Variants in ADCYAP1 observed in about 807,000 individuals in gnomAD.
ADCYAP1 encodes adenylate cyclase activating polypeptide 1, also known as pituitary adenylate cyclase-activating polypeptide.
A neutral mutation model predicts 18.5 loss-of-function variants in ADCYAP1; 6 were observed. That is an observed-to-expected ratio of 0.32 (90% confidence interval 0.18 to 0.64). The LOEUF (loss-of-function observed/expected upper bound fraction) is 0.64, where lower values mean the gene tolerates loss of function less well. ADCYAP1 is among the 30% of genes least tolerant of loss of function. The pLI is 0.77. For synonymous variants in ADCYAP1, 136 were observed against 113.9 expected, an observed-to-expected ratio of 1.19 and a Z score of -1.24; for missense variants, 314 against 253.6, an observed-to-expected ratio of 1.24 and a Z score of -1.62.
chr18:909,758 G>T lies in ADCYAP1; in HGVS notation c.*123G>T. ...ACATGTATTTATGTAATGAAGTAAA[G>T]CCATTAAATGAATATTTTGATAATA... On this transcript the variant is annotated 3_prime_UTR_variant, in exon 5 of 5. Transcript: ENST00000450565. 1.3e-6 allele frequency: 1 copy of T among 763,374 alleles called. No homozygotes were observed. Among genetic ancestry groups the T allele is most frequent in the Non-Finnish European group, 2.0e-6 (1 of 504,584 alleles). The allele number at this position is 763,374 out of a possible 1,614,324, so 47.3% of individuals were successfully genotyped here. A position where few individuals can be genotyped will look rare whatever the true frequency, so the allele number is the denominator to read the frequency against.
rs1567853178 is a variant in ADCYAP1 at position 905,422 on chromosome 18, G to A, written c.36G>A (p.Leu12=). The A allele has an allele frequency of 6.2e-7, 1 of 1,612,946 alleles. No individual in the cohort carries two copies. The highest frequency in any genetic ancestry group is 8.5e-7 in the Non-Finnish European group (1 of 1,180,020). The change falls in exon 2 of 5, where the codon CTG becomes CTA. Residue 12 remains leucine (L), a synonymous_variant. Transcript: ENST00000450565. ...GTAGCGGAGCGAGGCTGGCCCTGCT[G>A]GTCTATGGGATAATCATGCACAGCA... The part of the protein sequence containing the change: ...TMCSGARLAL[L]VYGIIMHSSV...
Position 909,758 on chromosome 18 carries a change from G to A in ADCYAP1, c.*123G>A. The A allele has an allele frequency of 1.3e-6, 1 of 763,376 alleles. No individual in the cohort carries two copies. The allele number at this position is 763,376 out of a possible 1,614,324, so 47.3% of individuals were successfully genotyped here. On this transcript the variant is annotated 3_prime_UTR_variant, in exon 5 of 5. Transcript: ENST00000450565. ...ACATGTATTTATGTAATGAAGTAAA[G>A]CCATTAAATGAATATTTTGATAATA...
rs1193727778 is a variant in ADCYAP1, at chr18:910,232, C to T, written c.*597C>T. Reference sequence around the variant, plus strand: ...TCAATCCCAGCCTAACTCAACTGGGCTCTGTCCCCCTGGTTGGGTGGCAAT... The same window carrying T: ...TCAATCCCAGCCTAACTCAACTGGGTTCTGTCCCCCTGGTTGGGTGGCAAT... On this transcript the variant is annotated 3_prime_UTR_variant, in exon 5 of 5. Transcript: ENST00000450565. 1 of 152,602 alleles carries T rather than the reference C, an allele frequency of 6.6e-6. No homozygotes were observed. The highest frequency in any genetic ancestry group is 1.5e-5 in the Non-Finnish European group (1 of 68,042). The allele number at this position is 152,602 out of a possible 1,614,324, so 9.5% of individuals were successfully genotyped here. A position where few individuals can be genotyped will look rare whatever the true frequency, so the allele number is the denominator to read the frequency against.
chr18:907,831 C>T, intron 3 of ADCYAP1, 41 bp downstream of exon 3: 2 of 1,417,656 alleles, frequency 1.4e-6, no homozygotes, highest in Non-Finnish European at 1.8e-6. Context: ...CGGCTGGGAG[C>T]TCGGGACTGC....
intron 2 of ADCYAP1, chr18:905,919 C>T (rs1909153631): frequency 4.7e-6 from 1 of 212,328 alleles, no homozygotes; most frequent in Non-Finnish European, 9.4e-6. Context: ...TTTGTTACTG[C>T]TTGTTCTGGA....
At chr18:905,155 C>A (rs1228979589) in intron 1 of ADCYAP1, 95 bp downstream of exon 1, 3 of 1,398,780 alleles carry the variant, frequency 2.1e-6, no homozygotes, top group Non-Finnish European at 2.8e-6. Context: ...TTCCTTCAGC[C>A]GGGTCTGGCT....
In ADCYAP1 at chr18:909,463, G is replaced by A. The variant is rs1909303255; in HGVS notation, c.359G>A (p.Gly120Asp). The A allele has an allele frequency of 3.7e-6, 6 of 1,612,056 alleles. No homozygotes were observed. The highest frequency in any genetic ancestry group is 5.1e-6 in the Non-Finnish European group (6 of 1,179,604). ...ARGVGGSLGG[G>D]AGDDAEPLSK... ...GCTTGCAGTGGGAGCCTCGGCGGCGGCGCGGGGGACGACGCGGAGCCGCTC... is the reference window on the plus strand; with the variant it reads ...GCTTGCAGTGGGAGCCTCGGCGGCGACGCGGGGGACGACGCGGAGCCGCTC... The change falls in exon 5 of 5, where the codon GGC (glycine) becomes GAC (aspartate). Residue 120 changes from glycine (G) to aspartate (D), a missense_variant. By Grantham distance (94) the Gly-to-Asp change is moderately conservative. Coordinates refer to ENST00000450565, the MANE Select transcript of ADCYAP1 (RefSeq NM_001099733.2).
upstream of ADCYAP1, chr18:904,445 G>A (rs966980116): frequency 2.3e-6 from 3 of 1,288,530 alleles, no homozygotes; most frequent in African/African-American, 3.0e-5. Flanking sequence ...GCAGGCAGAT[G>A]TTGACAAAGA....
Position 910,924 on chromosome 18 carries a change from C to G in ADCYAP1, c.*1289C>G, listed in dbSNP as rs1184262719. On this transcript the variant is annotated 3_prime_UTR_variant, in exon 5 of 5. Coordinates refer to ENST00000450565, the MANE Select transcript of ADCYAP1 (RefSeq NM_001099733.2). ...AGGCACTTATTGTAAATTTTAGAAA[C>G]CCCTCTGTAGCCACTAGTAAGTAAT... 2 of 151,874 alleles carry G rather than the reference C, an allele frequency of 1.3e-5. No individual in the cohort carries two copies. The highest frequency in any genetic ancestry group is 1.9e-4 in the East Asian group (1 of 5,176). The allele number at this position is 151,874 out of a possible 1,614,324, so 9.4% of individuals were successfully genotyped here.
chr18:909,468 G>A lies in ADCYAP1; in HGVS notation c.364G>A (p.Gly122Arg), dbSNP rs769489887. The A allele has an allele frequency of 8.1e-6, 13 of 1,612,428 alleles. No individual in the cohort carries two copies. Among genetic ancestry groups the A allele is most frequent in the South Asian group, 1.1e-5 (1 of 90,990 alleles). Residue 122 changes from glycine (G) to arginine (R), a missense_variant, in exon 5 of 5, where the codon GGG becomes AGG. Transcript: ENST00000450565. ...GVGGSLGGGA[G>R]DDAEPLSKRH... is the part of the protein sequence containing the mutation. ...CAGTGGGAGCCTCGGCGGCGGCGCG[G>A]GGGACGACGCGGAGCCGCTCTCCAA...
At chr18:907,580 G>A (rs995922776) in intron 2 of ADCYAP1, 79 bp from the exon 3 acceptor site, 21 of 1,440,962 alleles carry the variant, frequency 1.5e-5, no homozygotes, top group Middle Eastern at 1.8e-4. Context: ...AAATCCGCGC[G>A]AGCCCCTTAC....
intron 3 of ADCYAP1, 43 bp from the exon 4 acceptor site, chr18:908,222 A>G: frequency 6.4e-7 from 1 of 1,559,802 alleles, no homozygotes; most frequent in Non-Finnish European, 8.8e-7. Context: ...CCACCTGGGG[A>G]CAGAAACAGT....
At chr18:904,547 C>T (rs906541207), upstream of ADCYAP1, 1 of 1,288,890 alleles carries the variant, frequency 7.8e-7, no homozygotes, top group Admixed American at 2.3e-5. Context: ...CCAGCGGTAG[C>T]AGCAGCAGAA....
chr18:908,645 A>C (rs1365277024), intron 4 of ADCYAP1, among the ~76,000 whole-genome samples: 1 of 152,116 alleles, frequency 6.6e-6, no homozygotes, highest in Non-Finnish European at 1.5e-5. Context: ...GTCATCCAAA[A>C]CCTTCAGGCT....
chr18:905,470 C>A lies in ADCYAP1; in HGVS notation c.84C>A (p.Ala28=), dbSNP rs760474019. 1 of 1,609,510 alleles carries A rather than the reference C, an allele frequency of 6.2e-7. No homozygotes were observed. The highest frequency in any genetic ancestry group is 1.1e-5 in the South Asian group (1 of 91,086). Residue 28 remains alanine, a synonymous_variant, in exon 2 of 5, where the codon GCC becomes GCA. Coordinates refer to ENST00000450565, the MANE Select transcript of ADCYAP1 (RefSeq NM_001099733.2). ...GCAGCGTCTACAGCTCACCTGCCGC[C>A]GCCGGACTCCGGTTCCCCGGGATCA... ...MHSSVYSSPA[A]AGLRFPGIRP...
chr18:904,843 G>A, upstream of ADCYAP1: 1 of 1,286,186 alleles, frequency 7.8e-7, no homozygotes, highest in Non-Finnish European at 1.0e-6. Context: ...GCTCCCTCCT[G>A]GTTCTGCGCG....
At chr18:904,573 G>A (rs1350797202), upstream of ADCYAP1, 5 of 1,287,992 alleles carry the variant, frequency 3.9e-6, no homozygotes, top group Admixed American at 1.2e-4. Context: ...AGCTTCAGAG[G>A]CAGCCGGAGA....
chr18:909,531 C>A lies in ADCYAP1; in HGVS notation c.427C>A (p.Arg143Ser), dbSNP rs1293532954. 6.2e-7 allele frequency: 1 copy of A among 1,614,024 alleles called. No individual in the cohort carries two copies. Among genetic ancestry groups the A allele is most frequent in the Non-Finnish European group, 8.5e-7 (1 of 1,180,022 alleles). ...CGGGATCTTCACGGACAGCTACAGC[C>A]GCTACCGGAAACAAATGGCTGTCAA... ...SDGIFTDSYS[R>S]YRKQMAVKKY... is the part of the protein sequence containing the mutation. The change falls in exon 5 of 5, where the codon CGC becomes AGC. Residue 143 changes from arginine (R) to serine (S), a missense_variant. Coordinates refer to ENST00000450565, the MANE Select transcript of ADCYAP1 (RefSeq NM_001099733.2).
intron 4 of ADCYAP1, 105 bp from the exon 5 acceptor site, chr18:909,341 C>T: frequency 4.4e-6 from 5 of 1,145,732 alleles, no homozygotes; most frequent in South Asian, 1.6e-5. Flanking sequence ...GAGCCCCGGG[C>T]CCTCCCCGAA....
Sources: gnomAD v4.1 joint callset for allele counts (sites outside exome capture counted in the v4.1 genomes callset) on GRCh38, gnomAD v4.1.1 for gene constraint, MANE v1.5 for transcripts, NCBI Gene and HGNC (gene_info 2026-07-23, HGNC 2026-07-21) for gene names.